Variants in PTGR2 observed in about 807,000 individuals in gnomAD.
PTGR2 encodes prostaglandin reductase 2, also known as 15-oxoprostaglandin 13-reductase.
In PTGR2, 32 loss-of-function variants were observed where a neutral mutation model predicts 43.4. The observed-to-expected ratio is 0.74, with a 90% confidence interval of 0.56 to 0.99. The LOEUF is 0.99. Ranked by LOEUF, PTGR2 falls within the 50% of genes least tolerant of loss-of-function variation. The pLI is 0.00. For missense variants in PTGR2, 373 were observed against 420.0 expected (o/e 0.89, Z 0.98); for synonymous variants, 106 against 139.2 (o/e 0.76, Z 1.68).
intron 3 of PTGR2, among the ~76,000 whole-genome samples, chr14:73,862,146 T>A (rs1178671997): frequency 6.6e-6 from 1 of 151,954 alleles, no homozygotes; most frequent in African/African-American, 2.4e-5. Context: ...ATCTTTTTCA[T>A]TATTGAAGAC....
chr14:73,875,132 T>C (rs927567989), intron 4 of PTGR2, among the ~76,000 whole-genome samples: 1 of 152,168 alleles, frequency 6.6e-6, no homozygotes, highest in Admixed American at 6.5e-5. Context: ...AGTGCTGGGA[T>C]TACAGGCGTG....
intron 3 of PTGR2, among the ~76,000 whole-genome samples, chr14:73,873,407 T>A (rs2054782263): frequency 1.3e-5 from 2 of 152,218 alleles, no homozygotes; most frequent in Admixed American, 1.3e-4. Context: ...ACTTATTGTT[T>A]GTGGTGAGAA....
At chr14:73,875,609 G>A (rs369419968) in intron 4 of PTGR2, among the ~76,000 whole-genome samples, 1 of 152,028 alleles carries the variant, frequency 6.6e-6, no homozygotes, top group East Asian at 1.9e-4. Flanking sequence ...CTCCCAAAGT[G>A]CTGGGATTAC....
At chr14:73,879,063 T>C (rs1595370193) in intron 5 of PTGR2, 33 bp from the exon 6 acceptor site, 1 of 1,558,100 alleles carries the variant, frequency 6.4e-7, no homozygotes, top group Non-Finnish European at 8.8e-7. Flanking sequence ...TGTGACAATA[T>C]AAAGCCATTT....
At chr14:73,873,687 C>T (rs1339715564) in intron 3 of PTGR2, among the ~76,000 whole-genome samples, 1 of 152,056 alleles carries the variant, frequency 6.6e-6, no homozygotes, top group Non-Finnish European at 1.5e-5. Context: ...TGTTCTTGAA[C>T]TCCTGACCTC....
At chr14:73,862,457 T>G (rs1388430775) in intron 3 of PTGR2, among the ~76,000 whole-genome samples, 1 of 152,176 alleles carries the variant, frequency 6.6e-6, no homozygotes, top group African/African-American at 2.4e-5. Flanking sequence ...TCCACCCGCC[T>G]CGGCCTCCCA....
chr14:73,863,139 C>T (rs1017746781), intron 3 of PTGR2, among the ~76,000 whole-genome samples: 1 of 152,166 alleles, frequency 6.6e-6, no homozygotes, highest in Non-Finnish European at 1.5e-5. Context: ...AGTTTTACAA[C>T]ATTTTCATCC....
At chr14:73,877,991 T>C (rs1292453200) in intron 5 of PTGR2, 4 of 152,158 alleles carry the variant, frequency 2.6e-5, no homozygotes, top group Admixed American at 2.6e-4. Flanking sequence ...GACTCTTCAG[T>C]AAATAAATTA....
In PTGR2 at chr14:73,879,297, A is replaced by G. The variant is rs1403829021; in HGVS notation, c.721A>G (p.Ile241Val). ...TGGTGGTAACATCAGTGATACAGTG[A>G]TAAGTCAGGTTGTTTGCTGATTTCT... The part of the protein sequence containing the change: ...NVGGNISDTV[I>V]SQMNENSHII... Residue 241 changes from isoleucine to valine, a missense_variant, in exon 6 of 10, where the codon ATA becomes GTA. Coordinates refer to ENST00000555661, the MANE Select transcript of PTGR2 (RefSeq NM_001146154.2). 2 of 1,613,642 alleles carry G rather than the reference A, an allele frequency of 1.2e-6. No homozygotes were observed. The highest frequency in any genetic ancestry group is 1.1e-5 in the South Asian group (1 of 91,050).
intron 3 of PTGR2, among the ~76,000 whole-genome samples, chr14:73,870,835 G>T (rs1479682414): frequency 6.6e-6 from 1 of 152,126 alleles, no homozygotes; most frequent in Non-Finnish European, 1.5e-5. Flanking sequence ...TATTTTAGTG[G>T]TTAATAACAT....
intron 1 of PTGR2, among the ~76,000 whole-genome samples, chr14:73,854,128 G>T (rs1016028988): frequency 6.6e-6 from 1 of 151,940 alleles, no homozygotes; most frequent in African/African-American, 2.4e-5. Context: ...TTGAGACAAA[G>T]TTTCGCTCTT....
intron 3 of PTGR2, chr14:73,861,032 C>G (rs2054477367): frequency 6.5e-6 from 1 of 153,522 alleles, no homozygotes; most frequent in Admixed American, 6.5e-5. Context: ...TGTATGAGAT[C>G]TTTATTTATT....
chr14:73,882,315 T>C, intron 8 of PTGR2, 84 bp from the exon 9 acceptor site: 2 of 838,380 alleles, frequency 2.4e-6, no homozygotes, highest in Non-Finnish European at 3.9e-6. Flanking sequence ...CTAAATAGTA[T>C]TGCTGGCTTT....
chr14:73,858,801 T>G lies in PTGR2; in HGVS notation c.-47-15T>G. 7.5e-7 allele frequency: 1 copy of G among 1,335,310 alleles called. No homozygotes were observed. The highest frequency in any genetic ancestry group is 1.0e-6 in the Non-Finnish European group (1 of 961,614). 82.7% of individuals were successfully genotyped at this position (1,335,310 alleles called of 1,614,324 possible). A position where few individuals can be genotyped will look rare whatever the true frequency, so the allele number is the denominator to read the frequency against. ...TACTTCAAATCTTGTGATTTAAAAA[T>G]TTTTTTATTTATAGGAGTATTTTAT... On this transcript the variant is annotated splice_polypyrimidine_tract_variant and intron_variant, in intron 1 of 9. Transcript: ENST00000555661.
chr14:73,871,231 G>A (rs1379578318), intron 3 of PTGR2, among the ~76,000 whole-genome samples: 1 of 151,932 alleles, frequency 6.6e-6, no homozygotes, highest in Non-Finnish European at 1.5e-5. Context: ...TTTCCAAATA[G>A]CTGAACACAT....
chr14:73,868,272 G>C (rs112947953), intron 3 of PTGR2, among the ~76,000 whole-genome samples: 2 of 151,814 alleles, frequency 1.3e-5, no homozygotes, highest in African/African-American at 4.8e-5. Flanking sequence ...CTGGGCAACA[G>C]AGCAAGACTC....
chr14:73,882,390 G>T lies in PTGR2; in HGVS notation c.940-9G>T, dbSNP rs76125008. The T allele has an allele frequency of 8.2e-4, 1,260 of 1,540,926 alleles. 10 individuals carry two copies. In the African/African-American group the frequency reaches 0.016, roughly 19 times the overall value. ...AAAGACTATTAAATCTAGCTATTTT[G>T]ATTTACAGATTAAAGAGACGGTAAT... On this transcript the variant is annotated splice_polypyrimidine_tract_variant and intron_variant, in intron 8 of 9. Transcript: ENST00000555661.
At chr14:73,869,715 A>G (rs1259398001) in intron 3 of PTGR2, among the ~76,000 whole-genome samples, 4 of 151,986 alleles carry the variant, frequency 2.6e-5, no homozygotes, top group Non-Finnish European at 5.9e-5. Flanking sequence ...GACATTCTCT[A>G]TGCCTCATTC....
At chr14:73,873,616 C>T (rs2054787703) in intron 3 of PTGR2, among the ~76,000 whole-genome samples, 1 of 151,984 alleles carries the variant, frequency 6.6e-6, no homozygotes, top group Non-Finnish European at 1.5e-5. Context: ...AGGCACCCGC[C>T]ATCATGCCTG....
Sources: allele counts gnomAD v4.1 joint callset (sites outside exome capture counted in the v4.1 genomes callset), GRCh38; gene constraint gnomAD v4.1.1; transcripts MANE v1.5; gene names NCBI Gene and HGNC (gene_info 2026-07-23, HGNC 2026-07-21).